The following CCDC63 variants were observed in gnomAD, a reference collection of about 807,000 sequenced individuals.
CCDC63 encodes the protein coiled-coil domain containing 63.
In CCDC63, 54 loss-of-function variants were observed where a neutral mutation model predicts 63.6. The ratio of observed to expected loss-of-function variants is 0.85; its 90% CI spans 0.68 to 1.07. The LOEUF is 1.07. Among genes scored for constraint, CCDC63 ranks in the 50% least tolerant of loss-of-function variants. The pLI is 0.00. For synonymous variants in CCDC63, 253 were observed against 266.1 expected (o/e 0.95, Z 0.48); for missense variants, 637 against 689.6 (o/e 0.92, Z 0.86).
rs553692715 is a variant in CCDC63, at chr12:110,886,375, G to A, written c.1074+2125G>A. 2.0e-5 allele frequency among the ~76,000 whole-genome samples: 3 copies of A among 151,910 alleles called. No homozygotes were observed. The South Asian group carries it at 6.2e-4, about 32-fold the overall frequency. ...CACTCCAGCCTGGGTGATACAGGGA[G>A]ACTTCGTCTCAAAAAAAACCAAAAA... On this transcript the variant is annotated intron_variant, in intron 8 of 11. Coordinates refer to ENST00000308208, the MANE Select transcript of CCDC63 (RefSeq NM_152591.3).
chr12:110,862,062 C>T lies in CCDC63; in HGVS notation c.369+3287C>T, dbSNP rs144595412. On this transcript the variant is annotated intron_variant, in intron 4 of 11. Coordinates refer to ENST00000308208, the MANE Select transcript of CCDC63 (RefSeq NM_152591.3). ...TGTCTTGATTATTATCATCACCCAC[C>T]CCTGCTGTCTGGCACCAGAGCAGGT... is the stretch of plus-strand genomic sequence containing the variant. Among the ~76,000 whole-genome samples the T allele has an allele frequency of 4.8e-4, 73 of 152,272 alleles. No individual in the cohort carries two copies. The East Asian group carries it at 0.013, about 28-fold the overall frequency.
intron 4 of CCDC63, among the ~76,000 whole-genome samples, 178 bp downstream of exon 4, chr12:110,858,953 A>G (rs535067590): frequency 6.6e-6 from 1 of 152,304 alleles, no homozygotes; most frequent in South Asian, 2.1e-4. Flanking sequence ...TCTGGGCTCC[A>G]GTATCCAGGC....
At position 110,907,332 on chromosome 12, in the gene CCDC63, G is replaced by C. The variant is rs368741250; in HGVS notation, c.1548G>C (p.Val516=). 6.2e-7 allele frequency: 1 copy of C among 1,613,066 alleles called. No homozygotes were observed. Among genetic ancestry groups the C allele is most frequent in the African/African-American group, 1.3e-5 (1 of 74,896 alleles). ...ADPFSDRLDD[V]EQPLDHSSLR... is the part of the protein sequence containing the mutation. ...CACACAAATCTGATCTTGGTGCAGT[G>C]GAACAGCCCCTGGACCACAGCAGCC... is the stretch of plus-strand genomic sequence containing the variant. The change falls in exon 12 of 12, where the codon GTG becomes GTC. Residue 516 remains valine, a splice_region_variant and synonymous_variant. Transcript: ENST00000308208. The surrounding 1 kb of genome is among the most constrained non-coding windows in gnomAD (Gnocchi z 4.4).
In CCDC63 at chr12:110,871,420, C is replaced by T. The variant is rs143227864; in HGVS notation, c.370-2422C>T. Among the ~76,000 whole-genome samples the T allele has an allele frequency of 1.7e-3, 255 of 152,264 alleles. 1 individual carries two copies. Among genetic ancestry groups the T allele is most frequent in the South Asian group, 5.2e-3 (25 of 4,826 alleles). On this transcript the variant is annotated intron_variant, in intron 4 of 11. Transcript: ENST00000308208. ...ACTCCCAAAGTGCTGGGATTACAGGCGTGAGCCACTGCGCCCAGCCAGGAC... is the reference window on the plus strand; with the variant it reads ...ACTCCCAAAGTGCTGGGATTACAGGTGTGAGCCACTGCGCCCAGCCAGGAC...
intron 4 of CCDC63, 140 bp downstream of exon 4, chr12:110,858,915 C>T: frequency 1.5e-6 from 1 of 663,380 alleles, no homozygotes. Flanking sequence ...AATGTGACTG[C>T]TGCTATCGTC....
chr12:110,853,086 G>A, intron 2 of CCDC63, 123 bp downstream of exon 2: 1 of 1,122,738 alleles, frequency 8.9e-7, no homozygotes, highest in Non-Finnish European at 1.3e-6. Context: ...TTTTGTAGGT[G>A]GGAGGCTGGA....
At chr12:110,870,434 G>T (rs1254087198) in intron 4 of CCDC63, among the ~76,000 whole-genome samples, 15 of 152,320 alleles carry the variant, frequency 9.8e-5, no homozygotes, top group African/African-American at 3.6e-4. Flanking sequence ...ACTGTCCCAG[G>T]ATCTAATCCA....
intron 8 of CCDC63, among the ~76,000 whole-genome samples, chr12:110,884,836 G>A (rs1007058131): frequency 6.8e-6 from 1 of 148,072 alleles, no homozygotes; most frequent in South Asian, 2.2e-4. Context: ...ACAGGTGCCC[G>A]CCACGACGCC....
chr12:110,880,566 A>G (rs1004272530), intron 6 of CCDC63, among the ~76,000 whole-genome samples: 18 of 151,926 alleles, frequency 1.2e-4, no homozygotes, highest in Non-Finnish European at 1.9e-4. Flanking sequence ...TCCTGGTTTC[A>G]TCACTACTGT....
At chr12:110,870,375 C>G (rs2071048680) in intron 4 of CCDC63, among the ~76,000 whole-genome samples, 1 of 152,232 alleles carries the variant, frequency 6.6e-6, no homozygotes, top group Non-Finnish European at 1.5e-5. Flanking sequence ...AGGCACAGCA[C>G]CCAGTCCTTT....
intron 5 of CCDC63, 50 bp downstream of exon 5, chr12:110,874,011 C>G: frequency 6.4e-7 from 1 of 1,570,260 alleles, no homozygotes; most frequent in Non-Finnish European, 8.6e-7. Context: ...CCCACGTTTG[C>G]TCAGAACAAA....
chr12:110,898,528 G>T (rs1417650390), intron 9 of CCDC63, among the ~76,000 whole-genome samples: 1 of 150,170 alleles, frequency 6.7e-6, no homozygotes, highest in Non-Finnish European at 1.5e-5. Flanking sequence ...TGAGGCATGA[G>T]AATTGCTTGA....
rs11065761 is a variant in CCDC63, at chr12:110,903,889, C to A, written c.1343-699C>A. Among the ~76,000 whole-genome samples, 786 of 152,260 alleles carry A rather than the reference C, an allele frequency of 5.2e-3. 7 individuals are homozygous for A. The highest frequency in any genetic ancestry group is 0.018 in the African/African-American group (751 of 41,538). The stretch of plus-strand genomic sequence containing the variant: ...GGCAAGCCAGGAGTTTAAGGTGGGG[C>A]TCCCAATTTTTAGTGTAACCTGGTG... On this transcript the variant is annotated intron_variant, in intron 10 of 11. Transcript: ENST00000308208.
At chr12:110,878,158 T>C (rs2136692009) in intron 5 of CCDC63, among the ~76,000 whole-genome samples, 1 of 152,300 alleles carries the variant, frequency 6.6e-6, no homozygotes, top group East Asian at 1.9e-4. Context: ...TCAGTAATAT[T>C]TTATTGTGTA....
rs2071173430 is a variant in CCDC63 at position 110,879,749 on chromosome 12, C to T, written c.490-157C>T. ...CAGTTGGTGGGCCACTCAACTGGCT[C>T]CAACCAGTTGAGCCTCTTGCCTACT... On this transcript the variant is annotated intron_variant, in intron 5 of 11. Transcript: ENST00000308208. Among the ~76,000 whole-genome samples, 4 of 152,154 alleles carry T rather than the reference C, an allele frequency of 2.6e-5. No homozygotes were observed. The South Asian group carries it at 8.3e-4, about 32-fold the overall frequency.
chr12:110,866,642 C>T (rs1160269408), intron 4 of CCDC63, among the ~76,000 whole-genome samples: 2 of 151,392 alleles, frequency 1.3e-5, no homozygotes, highest in Non-Finnish European at 2.9e-5. Flanking sequence ...GGGGTAAGGT[C>T]ACAGATCAAC....
chr12:110,896,688 G>A (rs1235716657), intron 9 of CCDC63, among the ~76,000 whole-genome samples: 1 of 152,194 alleles, frequency 6.6e-6, no homozygotes, highest in Non-Finnish European at 1.5e-5. Flanking sequence ...TCACCTGGGA[G>A]GCTTTAATGA....
At chr12:110,867,195 CCGGA>C (rs1566121789) in intron 4 of CCDC63, among the ~76,000 whole-genome samples, 8 of 141,334 alleles carry the variant, frequency 5.7e-5, no homozygotes, top group Non-Finnish European at 7.9e-5. Flanking sequence ...CACCTCCCTC[CCGGA>C]CGGGGCGGCT....
chr12:110,847,577 A>AG (rs397796328), intron 1 of CCDC63, among the ~76,000 whole-genome samples: 2 of 151,338 alleles, frequency 1.3e-5, no homozygotes, highest in Non-Finnish European at 2.9e-5. Context: ...AAAAAAAAAA[A>AG]GTTCAACAAA....
Sources: allele counts gnomAD v4.1 joint callset (sites outside exome capture counted in the v4.1 genomes callset), GRCh38; gene constraint gnomAD v4.1.1; non-coding constraint Gnocchi (gnomAD v3.1); transcripts MANE v1.5; gene names NCBI Gene and HGNC (gene_info 2026-07-23, HGNC 2026-07-21).